PHACTR3: variants seen among roughly 807,000 people sequenced by gnomAD.
The protein encoded by PHACTR3 is phosphatase and actin regulator 3, also known as protein phosphatase 1, regulatory subunit 123.
PHACTR3 carries 16 observed loss-of-function variants against 66.8 expected under a neutral mutation model. The observed-to-expected ratio is 0.24, with a 90% CI of 0.16 to 0.36. The LOEUF (loss-of-function observed/expected upper bound fraction) is 0.36, where lower values mean the gene tolerates loss of function less well. PHACTR3 is among the 10% of genes least tolerant of loss of function. The pLI, the probability that PHACTR3 is intolerant of heterozygous loss-of-function variation, is 1.00. For missense variants in PHACTR3, 647 were observed against 719.9 expected (o/e 0.90, Z 1.16); for synonymous variants, 323 against 292.1 (o/e 1.11, Z -1.08).
intron 1 of PHACTR3, among the ~76,000 whole-genome samples, chr20:59,634,029 C>T (rs893486595): frequency 2.0e-5 from 3 of 152,198 alleles, no homozygotes; most frequent in African/African-American, 7.2e-5. Context: ...GATTCCTCTG[C>T]TCAGTTTAAA....
At chr20:59,688,369 C>T (rs2036977485) in intron 1 of PHACTR3, among the ~76,000 whole-genome samples, 1 of 152,190 alleles carries the variant, frequency 6.6e-6, no homozygotes, top group African/African-American at 2.4e-5. Context: ...GCCTCTCCCC[C>T]TTATCCCTGG....
intron 1 of PHACTR3, among the ~76,000 whole-genome samples, chr20:59,593,359 C>G (rs1209623883): frequency 6.6e-6 from 1 of 152,170 alleles, no homozygotes; most frequent in Non-Finnish European, 1.5e-5. Flanking sequence ...TGTTCATTCT[C>G]TTGTTGTTGA....
chr20:59,690,378 C>T (rs2037066630), intron 1 of PHACTR3, among the ~76,000 whole-genome samples: 1 of 152,252 alleles, frequency 6.6e-6, no homozygotes, highest in African/African-American at 2.4e-5. Flanking sequence ...CTTTGGCACT[C>T]TGGGCTAATC....
At chr20:59,794,984 C>T (rs967862002) in intron 7 of PHACTR3, among the ~76,000 whole-genome samples, 1 of 151,842 alleles carries the variant, frequency 6.6e-6, no homozygotes, top group Non-Finnish European at 1.5e-5. Context: ...TTTGTATTTT[C>T]TAGTCTTTAT....
intron 7 of PHACTR3, among the ~76,000 whole-genome samples, chr20:59,782,410 C>A (rs1407779085): frequency 6.6e-6 from 1 of 152,094 alleles, no homozygotes; most frequent in Admixed American, 6.5e-5. Flanking sequence ...TACCACCATG[C>A]CTGGCTAATT....
At chr20:59,665,306 T>C (rs2035946818) in intron 1 of PHACTR3, among the ~76,000 whole-genome samples, 1 of 152,224 alleles carries the variant, frequency 6.6e-6, no homozygotes, top group Non-Finnish European at 1.5e-5. Context: ...AAATGCCCTG[T>C]GCTTCTTGAG....
In PHACTR3 at chr20:59,699,460, G is replaced by A. The variant is rs542325244; in HGVS notation, c.119-43647G>A. Reference sequence around the variant, plus strand: ...TAGTTTTGTTTACTCCAGTCTCCTAGATGTTGTCATTCCCCTTGAATCTCC... The same window carrying A: ...TAGTTTTGTTTACTCCAGTCTCCTAAATGTTGTCATTCCCCTTGAATCTCC... On this transcript the variant is annotated intron_variant, in intron 1 of 12. Transcript: ENST00000371015. 1.8e-3 allele frequency among the ~76,000 whole-genome samples: 269 copies of A among 152,256 alleles called. 2 individuals carry two copies. The highest frequency in any genetic ancestry group is 6.0e-3 in the African/African-American group (249 of 41,538).
At chr20:59,833,077 C>G (rs1348995826) in intron 8 of PHACTR3, among the ~76,000 whole-genome samples, 1 of 151,766 alleles carries the variant, frequency 6.6e-6, no homozygotes, top group Non-Finnish European at 1.5e-5. Flanking sequence ...GGTCCTGGCA[C>G]TCTGTAAGTA....
chr20:59,819,830 A>G (rs571252959), intron 8 of PHACTR3, among the ~76,000 whole-genome samples: 12 of 150,968 alleles, frequency 7.9e-5, no homozygotes, highest in East Asian at 2.0e-4. Context: ...CCACCCATCA[A>G]CTGAGGCACC....
intron 1 of PHACTR3, among the ~76,000 whole-genome samples, chr20:59,678,881 G>A (rs2036543962): frequency 6.8e-6 from 1 of 147,340 alleles, no homozygotes; most frequent in South Asian, 2.2e-4. Context: ...TTGGGAACCT[G>A]TATCAGAAGC....
intron 1 of PHACTR3, among the ~76,000 whole-genome samples, chr20:59,682,686 G>A (rs1394105874): frequency 3.3e-5 from 5 of 152,248 alleles, no homozygotes; most frequent in Admixed American, 3.3e-4. Context: ...AGCCGTGAAG[G>A]CGGTGAGGAA....
At chr20:59,636,652 A>G (rs1329474875) in intron 1 of PHACTR3, among the ~76,000 whole-genome samples, 1 of 152,200 alleles carries the variant, frequency 6.6e-6, no homozygotes, top group Non-Finnish European at 1.5e-5. Flanking sequence ...TCAAATGGAT[A>G]TCAGGATATT....
intron 1 of PHACTR3, among the ~76,000 whole-genome samples, chr20:59,723,683 G>A (rs569086204): frequency 3.0e-4 from 45 of 152,100 alleles, no homozygotes; most frequent in Admixed American, 8.5e-4. Flanking sequence ...ATCATCGTAC[G>A]GTGACTCGGT....
chr20:59,614,557 G>C (rs754480904), intron 1 of PHACTR3, among the ~76,000 whole-genome samples: 5 of 152,140 alleles, frequency 3.3e-5, no homozygotes, highest in Non-Finnish European at 5.9e-5. Context: ...CCACGAAATG[G>C]ATCAGCCCTG....
At chr20:59,777,870 C>T (rs2040591089) in intron 7 of PHACTR3, among the ~76,000 whole-genome samples, 1 of 152,222 alleles carries the variant, frequency 6.6e-6, no homozygotes, top group Non-Finnish European at 1.5e-5. Flanking sequence ...CAGCCGATGG[C>T]CCCTGAGCTC....
At chr20:59,777,374 C>T (rs2040575292) in intron 7 of PHACTR3, among the ~76,000 whole-genome samples, 2 of 152,202 alleles carry the variant, frequency 1.3e-5, no homozygotes, top group African/African-American at 4.8e-5. Flanking sequence ...GATTCCACTC[C>T]TCTTGGTTAA....
At chr20:59,602,266 T>G (rs897449947), upstream of PHACTR3, among the ~76,000 whole-genome samples, 8 of 151,964 alleles carry the variant, frequency 5.3e-5, no homozygotes, top group African/African-American at 1.9e-4. Context: ...TATTGAAGGC[T>G]TCCTTTAACA....
chr20:59,793,924 A>G (rs751177944), intron 7 of PHACTR3, among the ~76,000 whole-genome samples: 2 of 152,022 alleles, frequency 1.3e-5, no homozygotes, highest in Non-Finnish European at 2.9e-5. Context: ...AGAGTTCAAG[A>G]CCAGCCTGGC....
intron 1 of PHACTR3, among the ~76,000 whole-genome samples, chr20:59,708,440 A>G (rs1181624528): frequency 6.6e-6 from 1 of 152,226 alleles, no homozygotes; most frequent in African/African-American, 2.4e-5. Context: ...TGGCTGGGAA[A>G]GCATCCGCCC....
Sources: allele counts gnomAD v4.1 joint callset (sites outside exome capture counted in the v4.1 genomes callset), GRCh38; gene constraint gnomAD v4.1.1; transcripts MANE v1.5; gene names NCBI Gene and HGNC (gene_info 2026-07-23, HGNC 2026-07-21).